HSD11B1L: variants seen among roughly 807,000 people sequenced by gnomAD.
The protein encoded by HSD11B1L is hydroxysteroid 11-beta-dehydrogenase 1-like protein.
HSD11B1L carries 22 observed loss-of-function variants against 27.0 expected under a neutral mutation model. That is an observed-to-expected ratio of 0.81 (90% CI 0.58 to 1.16). HSD11B1L has a LOEUF of 1.16. Among genes scored for constraint, HSD11B1L ranks in the 50% most tolerant of loss-of-function variants. The pLI, the probability that HSD11B1L is intolerant of heterozygous loss-of-function variation, is 0.00. For synonymous variants in HSD11B1L, 187 were observed against 189.2 expected (o/e 0.99, Z 0.09); for missense variants, 372 against 401.8 (o/e 0.93, Z 0.63).
At chr19:5,682,748 C>T (rs962968075) in intron 1 of HSD11B1L, among the ~76,000 whole-genome samples, 8 of 151,490 alleles carry the variant, frequency 5.3e-5, no homozygotes, top group African/African-American at 1.7e-4. Context: ...CTCAATGATC[C>T]GCTCCATCTG....
At position 5,687,031 on chromosome 19, in the gene HSD11B1L, T is replaced by C. The variant is rs376953099; in HGVS notation, c.408+40T>C. 6.7e-7 allele frequency: 1 copy of C among 1,491,088 alleles called. No homozygotes were observed. The highest frequency in any genetic ancestry group is 1.4e-5 in the African/African-American group (1 of 71,728). 92.4% of individuals were successfully genotyped at this position (1,491,088 alleles called of 1,614,324 possible). A position where few individuals can be genotyped will look rare whatever the true frequency, so the allele number is the denominator to read the frequency against. On this transcript the variant is annotated intron_variant, in intron 5 of 7. Transcript: ENST00000339423. This position sits in a 1 kb window ranked among gnomAD's most constrained non-coding sequence, Gnocchi z 6.6. ...CGCGGCCCCGGCCCGCCCCTCTATCTCAGGGACCGGTGGTCCGTTCCCTTC... is the reference window on the plus strand; with the variant it reads ...CGCGGCCCCGGCCCGCCCCTCTATCCCAGGGACCGGTGGTCCGTTCCCTTC...
intron 1 of HSD11B1L, among the ~76,000 whole-genome samples, chr19:5,683,786 C>G (rs2054615703): frequency 1.3e-5 from 2 of 151,944 alleles, no homozygotes; most frequent in Non-Finnish European, 1.5e-5. Flanking sequence ...CCCAGCTGCT[C>G]CATTGGCTGA....
chr19:5,684,268 A>G, intron 1 of HSD11B1L: 1 of 336,062 alleles, frequency 3.0e-6, no homozygotes, highest in Non-Finnish European at 5.4e-6. Context: ...TGCCCGCCTC[A>G]GCCTCCCAAA....
At chr19:5,684,497 A>G (rs779216524) in intron 1 of HSD11B1L, 1 of 496,758 alleles carries the variant, frequency 2.0e-6, no homozygotes. Context: ...GTGAGCAAGG[A>G]GGACAGGTCC....
Position 5,685,498 on chromosome 19 carries a change from G to C in HSD11B1L, c.204+379G>C. 1 of 325,964 alleles carries C rather than the reference G, an allele frequency of 3.1e-6. No homozygotes were observed. Among genetic ancestry groups the C allele is most frequent in the South Asian group, 2.5e-5 (1 of 40,684 alleles). The allele number at this position is 325,964 out of a possible 1,614,324, so 20.2% of individuals were successfully genotyped here. ...AGGCCAAGGCGGATGGATCACTTGA[G>C]GTCAGGAGTTCAAAACCAGCCTGGC... On this transcript the variant is annotated intron_variant, in intron 3 of 7. Transcript: ENST00000339423. This position sits in a 1 kb window ranked among gnomAD's most constrained non-coding sequence, Gnocchi z 4.3.
chr19:5,686,873 C>T (rs753797634), intron 4 of HSD11B1L, 27 bp from the exon 5 acceptor site: 3 of 1,524,468 alleles, frequency 2.0e-6, no homozygotes, highest in South Asian at 1.2e-5. Context: ...GAGGGGCCTC[C>T]GGGGCTGACC....
At position 5,684,832 on chromosome 19, in the gene HSD11B1L, C is replaced by T. The variant is rs371137127; in HGVS notation, c.-1C>T. On this transcript the variant is annotated 5_prime_UTR_variant, in exon 2 of 8. Transcript: ENST00000339423. ...GTCCCTCTGCAGGCCCACACAGGAC[C>T]ATGAAGGTGCTTCTCCTCACAGGGC... is the stretch of plus-strand genomic sequence containing the variant. The T allele has an allele frequency of 3.0e-5, 49 of 1,613,694 alleles. No individual in the cohort carries two copies. The highest frequency in any genetic ancestry group is 4.0e-5 in the Non-Finnish European group (47 of 1,180,026).
chr19:5,685,062 C>A lies in HSD11B1L; in HGVS notation c.147C>A (p.Tyr49Ter). 6.4e-7 allele frequency: 1 copy of A among 1,556,616 alleles called. No homozygotes were observed. The highest frequency in any genetic ancestry group is 8.7e-7 in the Non-Finnish European group (1 of 1,150,082). The change falls in exon 3 of 8, where the codon TAC becomes TAA. Residue 49 changes from tyrosine (Y) to a stop codon, truncating the protein, a stop_gained. Transcript: ENST00000339423. LOFTEE classifies it high-confidence loss of function. The surrounding 1 kb of genome is among the most constrained non-coding windows in gnomAD (Gnocchi z 4.3). ...TTGGTGAGGAGCTGGCCTATCACTA[C>A]GCGCGTCTGGGCTCCCACCTGGTGC... ...AGVGEELAYH[Y>*]ARLGSHLVLT... is the part of the protein sequence containing the mutation.
chr19:5,682,415 G>T (rs1206687371), intron 1 of HSD11B1L, among the ~76,000 whole-genome samples: 6 of 152,230 alleles, frequency 3.9e-5, no homozygotes, highest in Non-Finnish European at 8.8e-5. Flanking sequence ...CAATCTGGGA[G>T]TCCTGGAGAG....
rs1056611033 is a variant in HSD11B1L, at chr19:5,685,829, C to G, written c.205-587C>G. On this transcript the variant is annotated intron_variant, in intron 3 of 7. Transcript: ENST00000339423. The surrounding 1 kb of genome is among the most constrained non-coding windows in gnomAD (Gnocchi z 4.3). ...TGAGTCAGGAGAATCACTTGAACCC[C>G]GGAGGCAGAGGTTGCAGTGAGCCGA... is the stretch of plus-strand genomic sequence containing the variant. 2.0e-5 allele frequency among the ~76,000 whole-genome samples: 3 copies of G among 151,442 alleles called. No homozygotes were observed. Among genetic ancestry groups the G allele is most frequent in the African/African-American group, 7.3e-5 (3 of 41,208 alleles).
At position 5,685,883 on chromosome 19, in the gene HSD11B1L, A is replaced by ATTT. The variant is rs1387982681; in HGVS notation, c.205-533_205-532insTTT. On this transcript the variant is annotated intron_variant, in intron 3 of 7. Transcript: ENST00000339423. The surrounding 1 kb of genome is among the most constrained non-coding windows in gnomAD (Gnocchi z 4.3). ...CGCACTACTGCACTCCAGCCTGGGCAACAAAGTGAGACTCTGTCTCAAACA... is the reference window on the plus strand; with the variant it reads ...CGCACTACTGCACTCCAGCCTGGGCATTTACAAAGTGAGACTCTGTCTCAAACA... Among the ~76,000 whole-genome samples the ATTT allele has an allele frequency of 6.6e-6, 1 of 152,208 alleles. No individual in the cohort carries two copies. The highest frequency in any genetic ancestry group is 2.4e-5 in the African/African-American group (1 of 41,452).
At position 5,688,136 on chromosome 19, in the gene HSD11B1L, C is replaced by G; in HGVS notation, c.*191C>G. The G allele has an allele frequency of 6.4e-7, 1 of 1,551,202 alleles. No homozygotes were observed. Among genetic ancestry groups the G allele is most frequent in the Non-Finnish European group, 8.7e-7 (1 of 1,146,992 alleles). ...AGTCACGGCTTGGGAGGTGCAGGTG[C>G]CCCGTGTTAGGCGCCTTTGTCGGGG... On this transcript the variant is annotated 3_prime_UTR_variant, in exon 8 of 8. Transcript: ENST00000339423.
At chr19:5,682,951 C>G (rs1012586584) in intron 1 of HSD11B1L, among the ~76,000 whole-genome samples, 11 of 151,710 alleles carry the variant, frequency 7.3e-5, no homozygotes, top group African/African-American at 2.4e-4. Context: ...GAGACCCCAT[C>G]TCTACAAAAA....
rs56023917 is a variant in HSD11B1L, at chr19:5,685,746, GA to G, written c.204+638del. On this transcript the variant is annotated intron_variant, in intron 3 of 7. Transcript: ENST00000339423. The surrounding 1 kb of genome is among the most constrained non-coding windows in gnomAD (Gnocchi z 4.3). ...GAGCGATACTCCATCTCAAAAAAAA[GA>G]AAAAAAAAAATTAGGGCATGGTGGC... 0.21 allele frequency among the ~76,000 whole-genome samples: 30,163 copies of G among 141,398 alleles called. 3,336 individuals are homozygous for G. The highest frequency in any genetic ancestry group is 0.34 in the Middle Eastern group (96 of 282). The allele number at this position is 141,398 out of a possible 152,430, so 92.8% of individuals were successfully genotyped here.
rs757488459 is a variant in HSD11B1L, at chr19:5,687,039, C to A, written c.408+48C>A. The A allele has an allele frequency of 1.4e-6, 2 of 1,471,736 alleles. No individual in the cohort carries two copies. Among genetic ancestry groups the A allele is most frequent in the South Asian group, 2.4e-5 (2 of 82,118 alleles). 91.2% of individuals were successfully genotyped at this position (1,471,736 alleles called of 1,614,324 possible). The stretch of plus-strand genomic sequence containing the variant: ...CGGCCCGCCCCTCTATCTCAGGGAC[C>A]GGTGGTCCGTTCCCTTCGCGGTCCG... On this transcript the variant is annotated intron_variant, in intron 5 of 7. Coordinates refer to ENST00000339423, the MANE Select transcript of HSD11B1L (RefSeq NM_198706.3). This position sits in a 1 kb window ranked among gnomAD's most constrained non-coding sequence, Gnocchi z 6.6.
In HSD11B1L at chr19:5,684,858, T is replaced by A. The variant is rs752208098; in HGVS notation, c.26T>A (p.Leu9Gln). Residue 9 changes from leucine to glutamine, a missense_variant, in exon 2 of 8, where the codon CTG becomes CAG. Leu to Gln is a moderately radical substitution (Grantham distance 113). Coordinates refer to ENST00000339423, the MANE Select transcript of HSD11B1L (RefSeq NM_198706.3). ...ATGAAGGTGCTTCTCCTCACAGGGC[T>A]GGGGGCCCTGTTCTTCGCCTATTAT... MKVLLLTG[L>Q]GALFFAYYWD... The A allele has an allele frequency of 6.2e-7, 1 of 1,613,842 alleles. No homozygotes were observed. The highest frequency in any genetic ancestry group is 1.3e-5 in the African/African-American group (1 of 75,052).
Position 5,686,995 on chromosome 19 carries a change from C to T in HSD11B1L, c.408+4C>T, listed in dbSNP as rs775794565. ...GGCAACTCGCTGGCTCATGCAGGTG[C>T]TCCGCTCCTCCGCGGCCCCGGCCCG... is the stretch of plus-strand genomic sequence containing the variant. On this transcript the variant is annotated splice_donor_region_variant and intron_variant, in intron 5 of 7. Transcript: ENST00000339423. 4 of 1,541,026 alleles carry T rather than the reference C, an allele frequency of 2.6e-6. No homozygotes were observed. The African/African-American group carries it at 4.1e-5, about 16-fold the overall frequency.
chr19:5,681,353 A>C (rs1428892983), intron 1 of HSD11B1L, 82 bp downstream of exon 1: 3 of 152,340 alleles, frequency 2.0e-5, no homozygotes, highest in African/African-American at 7.2e-5. Context: ...CGAGGTCAAG[A>C]AGGGGCCGAT....
chr19:5,687,139 C>G lies in HSD11B1L; in HGVS notation c.409-143C>G, dbSNP rs1157943558. On this transcript the variant is annotated intron_variant, in intron 5 of 7. Coordinates refer to ENST00000339423, the MANE Select transcript of HSD11B1L (RefSeq NM_198706.3). This position sits in a 1 kb window ranked among gnomAD's most constrained non-coding sequence, Gnocchi z 6.6. The stretch of plus-strand genomic sequence containing the variant: ...GCCCCTCCTAGCCCAAGCCCCTGCT[C>G]CGGCCTTGACCCCGCCCTCGGACCC... 5 of 1,134,784 alleles carry G rather than the reference C, an allele frequency of 4.4e-6. No homozygotes were observed. The East Asian group carries it at 1.0e-4, about 23-fold the overall frequency. The allele number at this position is 1,134,784 out of a possible 1,614,324, so 70.3% of individuals were successfully genotyped here.
Sources: allele counts gnomAD v4.1 joint callset (sites outside exome capture counted in the v4.1 genomes callset), GRCh38; gene constraint gnomAD v4.1.1; non-coding constraint Gnocchi (gnomAD v3.1); transcripts MANE v1.5; gene names NCBI Gene and HGNC (gene_info 2026-07-23, HGNC 2026-07-21).